The following INPP5B variants were observed in gnomAD, a reference collection of about 807,000 sequenced individuals.
The protein encoded by INPP5B is type II inositol 1,4,5-trisphosphate 5-phosphatase.
Under a neutral mutation model 118.5 loss-of-function variants are expected in INPP5B, and 90 were observed. The ratio of observed to expected loss-of-function variants is 0.76; its 90% confidence interval spans 0.64 to 0.90. INPP5B has a LOEUF of 0.90. Among genes scored for constraint, INPP5B ranks in the 40% least tolerant of loss-of-function variants. The pLI is 0.00. For missense variants in INPP5B, 984 were observed against 1,125.6 expected, an observed-to-expected ratio of 0.87 and a Z score of 1.80; for synonymous variants, 385 against 418.9, an observed-to-expected ratio of 0.92 and a Z score of 0.99.
At chr1:37,906,595 C>T (rs982502767) in intron 7 of INPP5B, among the ~76,000 whole-genome samples, 1 of 152,134 alleles carries the variant, frequency 6.6e-6, no homozygotes, top group East Asian at 1.9e-4. Context: ...GTGGCTCACA[C>T]CTGGAATCCC....
chr1:37,931,999 C>A lies in INPP5B; in HGVS notation c.446G>T (p.Cys149Phe). The A allele has an allele frequency of 6.2e-7, 1 of 1,612,752 alleles. No individual in the cohort carries two copies. ...TGGCATCTCCAGCTCCAGCTCTGCG[C>A]ACCTATACCGAGACAGCCACAGGAA... is the stretch of plus-strand genomic sequence containing the variant. ...PEFLWLSRYR[C>F]AELELEMPTP... The change falls in exon 7 of 24, where the codon TGC becomes TTC. Residue 149 changes from cysteine to phenylalanine, a missense_variant. By Grantham distance (205) the Cys-to-Phe change is radical. Transcript: ENST00000373024.
At chr1:37,868,003 A>G (rs1642150728) in intron 20 of INPP5B, among the ~76,000 whole-genome samples, 1 of 152,140 alleles carries the variant, frequency 6.6e-6, no homozygotes, top group Non-Finnish European at 1.5e-5. Context: ...TTCCTATGCA[A>G]CGCTGCTTCC....
At chr1:37,870,544 G>A (rs1185592518) in intron 19 of INPP5B, 1 of 152,182 alleles carries the variant, frequency 6.6e-6, no homozygotes, top group Non-Finnish European at 1.5e-5. Flanking sequence ...GGTCATAAGG[G>A]CTCTGCCCTG....
chr1:37,862,448 G>A lies in INPP5B; in HGVS notation c.2627-18C>T. On this transcript the variant is annotated intron_variant, in intron 23 of 23. Transcript: ENST00000373024. Reference sequence around the variant, plus strand: ...TATGCTAGCTGCAAGAAAAAACACAGAAAAGAAATGATTCAGCAAAAGAAG... The same window carrying A: ...TATGCTAGCTGCAAGAAAAAACACAAAAAAGAAATGATTCAGCAAAAGAAG... The A allele has an allele frequency of 6.7e-7, 1 of 1,482,352 alleles. No individual in the cohort carries two copies. The highest frequency in any genetic ancestry group is 1.1e-5 in the South Asian group (1 of 88,234). The allele number at this position is 1,482,352 out of a possible 1,614,324, so 91.8% of individuals were successfully genotyped here. A position where few individuals can be genotyped will look rare whatever the true frequency, so the allele number is the denominator to read the frequency against.
intron 7 of INPP5B, among the ~76,000 whole-genome samples, chr1:37,899,262 C>T (rs1644240394): frequency 6.6e-6 from 1 of 151,418 alleles, no homozygotes; most frequent in Non-Finnish European, 1.5e-5. Context: ...CATGGGGGTC[C>T]TGATTAACAA....
At chr1:37,943,593 C>T in intron 5 of INPP5B, 47 bp downstream of exon 5, 8 of 1,600,690 alleles carry the variant, frequency 5.0e-6, no homozygotes, top group South Asian at 1.1e-5. Context: ...CTCTGAAAAT[C>T]AGGCACCCCT....
Position 37,932,004 on chromosome 1 carries a change from A to G in INPP5B, c.441T>C (p.Tyr147=). 2.5e-6 allele frequency: 4 copies of G among 1,609,462 alleles called. No individual in the cohort carries two copies. Among genetic ancestry groups the G allele is most frequent in the Non-Finnish European group, 3.4e-6 (4 of 1,177,216 alleles). The change falls in exon 7 of 24, where the codon TAT becomes TAC. Residue 147 remains tyrosine (Y), a synonymous_variant. Coordinates refer to ENST00000373024, the MANE Select transcript of INPP5B (RefSeq NM_005540.3). ...RDPEFLWLSR[Y]RCAELELEMP... ...TCTCCAGCTCCAGCTCTGCGCACCT[A>G]TACCGAGACAGCCACAGGAATTCAG... is the stretch of plus-strand genomic sequence containing the variant.
intron 14 of INPP5B, among the ~76,000 whole-genome samples, chr1:37,881,439 C>A (rs1390293427): frequency 1.3e-5 from 2 of 152,132 alleles, no homozygotes; most frequent in African/African-American, 4.8e-5. Flanking sequence ...CCTGGAGCAC[C>A]ACACTTGGCA....
At chr1:37,873,371 A>G in intron 18 of INPP5B, 2 of 576,048 alleles carry the variant, frequency 3.5e-6, no homozygotes, top group South Asian at 4.1e-5. Flanking sequence ...TGAAAACAAC[A>G]AACAAAAACA....
At chr1:37,944,106 T>A (rs1646033438) in intron 3 of INPP5B, among the ~76,000 whole-genome samples, 1 of 152,150 alleles carries the variant, frequency 6.6e-6, no homozygotes, top group Non-Finnish European at 1.5e-5. Context: ...ACTTTTCTCA[T>A]CTGCAGGAGC....
Position 37,872,933 on chromosome 1 carries a change from C to T in INPP5B, c.2184G>A (p.Glu728=). Reference sequence around the variant, plus strand: ...TTCTTTGTGGCATATTACTCACCAGCTCACTAATGGTTTCAAGTGGTAGGT... The same window carrying T: ...TTCTTTGTGGCATATTACTCACCAGTTCACTAATGGTTTCAAGTGGTAGGT... ...ILDLPLETIS[E]LTLMPVWTGD... is the part of the protein sequence containing the mutation. Residue 728 remains glutamate (E), a synonymous_variant, in exon 19 of 24, where the codon GAG becomes GAA. Transcript: ENST00000373024. 6.2e-7 allele frequency: 1 copy of T among 1,610,898 alleles called. No homozygotes were observed. The highest frequency in any genetic ancestry group is 1.1e-5 in the South Asian group (1 of 90,978).
At chr1:37,926,969 A>G (rs1266641765) in intron 7 of INPP5B, among the ~76,000 whole-genome samples, 1 of 151,648 alleles carries the variant, frequency 6.6e-6, no homozygotes, top group African/African-American at 2.4e-5. Flanking sequence ...GGTTAGGAAG[A>G]AAAAAAAAGA....
chr1:37,886,911 CCA>C lies in INPP5B; in HGVS notation c.1106_1107del (p.Val369GlyfsTer37). 13 of 1,614,120 alleles carry C rather than the reference CCA, an allele frequency of 8.1e-6. No individual in the cohort carries two copies. The highest frequency in any genetic ancestry group is 1.1e-5 in the Non-Finnish European group (13 of 1,179,992). Reference sequence around the variant, plus strand: ...ACCATCCTCCCCATGATTCCTGTCCCCACAGTCTCGGCTTCCACTTCTGAGAT... The same window carrying C: ...ACCATCCTCCCCATGATTCCTGTCCCCAGTCTCGGCTTCCACTTCTGAGAT... ...AYISEVEAET[V>X]GTGIMGRMGN... On this transcript the variant is annotated frameshift_variant, in exon 12 of 24. Transcript: ENST00000373024. LOFTEE classifies it high-confidence loss of function.
chr1:37,933,719 CAATAAATAAATAAATA>C (rs148542689), intron 6 of INPP5B, among the ~76,000 whole-genome samples: 76 of 138,564 alleles, frequency 5.5e-4, no homozygotes, highest in Non-Finnish European at 7.7e-4. Flanking sequence ...GACTCTGTCT[CAATAAATAAATAAATA>C]AATAAATAAA....
intron 7 of INPP5B, among the ~76,000 whole-genome samples, chr1:37,910,695 C>T (rs1323334226): frequency 6.6e-6 from 1 of 152,186 alleles, no homozygotes; most frequent in Non-Finnish European, 1.5e-5. Flanking sequence ...TCACCTGCTA[C>T]AGCATGGCCT....
chr1:37,935,636 G>A (rs1645657337), intron 6 of INPP5B, among the ~76,000 whole-genome samples: 1 of 151,956 alleles, frequency 6.6e-6, no homozygotes, highest in South Asian at 2.1e-4. Context: ...GCTCTCCCAG[G>A]TCCCAGCCTC....
At chr1:37,939,570 G>T (rs145657888) in intron 6 of INPP5B, among the ~76,000 whole-genome samples, 1 of 149,010 alleles carries the variant, frequency 6.7e-6, no homozygotes, top group African/African-American at 2.5e-5. Context: ...TCAGCCTCCC[G>T]AGTAGCTGGG....
At chr1:37,895,047 TTC>T (rs375019835) in intron 7 of INPP5B, among the ~76,000 whole-genome samples, 1 of 152,256 alleles carries the variant, frequency 6.6e-6, no homozygotes, top group African/African-American at 2.4e-5. Flanking sequence ...TGGATTCTAC[TTC>T]TCTTTCTTTA....
intron 6 of INPP5B, among the ~76,000 whole-genome samples, chr1:37,933,134 T>C (rs1369979002): frequency 6.6e-6 from 1 of 152,250 alleles, no homozygotes; most frequent in Non-Finnish European, 1.5e-5. Context: ...GCTTTTAAGT[T>C]GTCTTCAGCA....
Sources: gnomAD v4.1 joint callset for allele counts (sites outside exome capture counted in the v4.1 genomes callset) on GRCh38, gnomAD v4.1.1 for gene constraint, MANE v1.5 for transcripts, NCBI Gene and HGNC (gene_info 2026-07-23, HGNC 2026-07-21) for gene names.